Variants in CCDC102B observed in about 807,000 individuals in gnomAD.
CCDC102B encodes coiled-coil domain containing 102B.
In CCDC102B, 75 loss-of-function variants were observed where a neutral mutation model predicts 57.4. That is an observed-to-expected ratio of 1.31 (90% CI 1.08 to 1.58). The LOEUF is 1.58. CCDC102B is among the 40% of genes most tolerant of loss of function. CCDC102B has a pLI of 0.00. For synonymous variants in CCDC102B, 206 were observed against 201.9 expected, an observed-to-expected ratio of 1.02 and a Z score of -0.17; for missense variants, 636 against 582.6, an observed-to-expected ratio of 1.09 and a Z score of -0.94.
intron 6 of CCDC102B, among the ~76,000 whole-genome samples, chr18:68,986,772 A>G (rs1449704083): frequency 1.3e-5 from 2 of 152,188 alleles, no homozygotes; most frequent in Non-Finnish European, 2.9e-5. Flanking sequence ...TGGCATTTCT[A>G]TACACATTCA....
At chr18:68,870,528 T>G (rs1305671591) in intron 4 of CCDC102B, among the ~76,000 whole-genome samples, 1 of 152,180 alleles carries the variant, frequency 6.6e-6, no homozygotes, top group Non-Finnish European at 1.5e-5. Context: ...CCAAATACCC[T>G]AAAGGTATGA....
intron 5 of CCDC102B, among the ~76,000 whole-genome samples, chr18:68,893,837 A>C (rs1237919694): frequency 6.6e-6 from 1 of 152,146 alleles, no homozygotes; most frequent in Non-Finnish European, 1.5e-5. Flanking sequence ...TCTGATATTC[A>C]TACTTATTTT....
chr18:68,786,765 G>A (rs539772651), intron 2 of CCDC102B, among the ~76,000 whole-genome samples: 59,669 of 144,694 alleles, frequency 0.41, 12,489 homozygotes, highest in Non-Finnish European at 0.49. Flanking sequence ...CAATCATGTC[G>A]TCTGCAAACA....
At position 68,996,098 on chromosome 18, in the gene CCDC102B, T is replaced by A. The variant is rs1269929903; in HGVS notation, c.1264-14836T>A. ...ATGCAAAGTATTGTTCCTGCGTGTG[T>A]CTGTGAGGGTGTTGCCAAAGGAGAT... On this transcript the variant is annotated intron_variant, in intron 6 of 7. Coordinates refer to ENST00000360242, the MANE Select transcript of CCDC102B (RefSeq NM_024781.3). Among the ~76,000 whole-genome samples, 6 of 152,332 alleles carry A rather than the reference T, an allele frequency of 3.9e-5. No individual in the cohort carries two copies. In the East Asian group the frequency reaches 7.7e-4, roughly 20 times the overall value.
chr18:68,786,933 T>G (rs960938428), intron 2 of CCDC102B, among the ~76,000 whole-genome samples: 1 of 152,240 alleles, frequency 6.6e-6, no homozygotes, highest in Admixed American at 6.5e-5. Context: ...CTTCCAGTTT[T>G]TGTCCATTCA....
At chr18:68,973,004 C>T (rs1385700907) in intron 6 of CCDC102B, among the ~76,000 whole-genome samples, 1 of 152,056 alleles carries the variant, frequency 6.6e-6, no homozygotes, top group African/African-American at 2.4e-5. Context: ...ATATAGGCAA[C>T]AGATTTTTAA....
At chr18:68,999,498 C>G (rs905322763) in intron 6 of CCDC102B, among the ~76,000 whole-genome samples, 1 of 151,240 alleles carries the variant, frequency 6.6e-6, no homozygotes, top group South Asian at 2.1e-4. Context: ...GCCAGCTACT[C>G]GAGAGGCTGA....
At chr18:68,817,648 C>T (rs1454205197) in intron 1 of CCDC102B, among the ~76,000 whole-genome samples, 1 of 152,022 alleles carries the variant, frequency 6.6e-6, no homozygotes, top group Non-Finnish European at 1.5e-5. Flanking sequence ...TTTATAAACG[C>T]GAGAAAGATA....
chr18:69,054,126 C>T lies in CCDC102B; in HGVS notation c.1531C>T (p.Gln511Ter). The T allele has an allele frequency of 6.3e-7, 1 of 1,596,994 alleles. No homozygotes were observed. Among genetic ancestry groups the T allele is most frequent in the Non-Finnish European group, 8.5e-7 (1 of 1,175,006 alleles). ...CTTAGAGACTGAACTCAGGCACTTGCAAAACTGGTAATTTTTTCACAAAAT... is the reference window on the plus strand; with the variant it reads ...CTTAGAGACTGAACTCAGGCACTTGTAAAACTGGTAATTTTTTCACAAAAT... ...ENLETELRHL[Q>*]NW Residue 511 changes from glutamine to a stop codon, truncating the protein, a stop_gained, in exon 8 of 8, where the codon CAA becomes TAA. Coordinates refer to ENST00000360242, the MANE Select transcript of CCDC102B (RefSeq NM_024781.3). LOFTEE classifies it high-confidence loss of function.
chr18:68,998,125 C>T (rs1599820676), intron 6 of CCDC102B, among the ~76,000 whole-genome samples: 1 of 151,892 alleles, frequency 6.6e-6, no homozygotes, highest in Non-Finnish European at 1.5e-5. Flanking sequence ...CTCCTGACCT[C>T]CATGTCAGTG....
chr18:69,021,888 C>T (rs764688485), intron 7 of CCDC102B, among the ~76,000 whole-genome samples: 1 of 152,104 alleles, frequency 6.6e-6, no homozygotes, highest in East Asian at 1.9e-4. Flanking sequence ...TCATTCTCCC[C>T]GGTGTGGATG....
intron 1 of CCDC102B, among the ~76,000 whole-genome samples, chr18:68,809,444 G>T (rs773011656): frequency 6.6e-6 from 1 of 152,050 alleles, no homozygotes; most frequent in South Asian, 2.1e-4. Context: ...TCCAGTTTTC[G>T]ATGTACATAA....
intron 6 of CCDC102B, among the ~76,000 whole-genome samples, chr18:68,980,380 A>G (rs1781957412): frequency 6.8e-6 from 1 of 147,620 alleles, no homozygotes; most frequent in South Asian, 2.1e-4. Flanking sequence ...TCCTGTCACT[A>G]TTCTAGGTCT....
chr18:68,897,789 C>T (rs562303857), intron 6 of CCDC102B: 31 of 445,338 alleles, frequency 7.0e-5, no homozygotes, highest in South Asian at 5.9e-4. Context: ...TTAATTCAAG[C>T]GACTATACAA....
intron 4 of CCDC102B, among the ~76,000 whole-genome samples, chr18:68,858,104 T>A (rs2038563730): frequency 6.6e-6 from 1 of 152,176 alleles, no homozygotes; most frequent in Non-Finnish European, 1.5e-5. Flanking sequence ...ATCTAATCAC[T>A]TTTGTTACTT....
At chr18:68,790,792 C>CGTCG (rs1201076745) in intron 2 of CCDC102B, among the ~76,000 whole-genome samples, 2 of 151,808 alleles carry the variant, frequency 1.3e-5, no homozygotes, top group African/African-American at 4.8e-5. Flanking sequence ...CCGTCTTCTG[C>CGTCG]GTCGCTCACG....
chr18:69,022,577 C>A (rs2051874808), intron 7 of CCDC102B, among the ~76,000 whole-genome samples: 1 of 151,730 alleles, frequency 6.6e-6, no homozygotes, highest in Non-Finnish European at 1.5e-5. Flanking sequence ...CTCTTGGTGA[C>A]CAGAGTTGAA....
At chr18:68,727,302 G>C (rs2032641055) in intron 2 of CCDC102B, among the ~76,000 whole-genome samples, 1 of 152,136 alleles carries the variant, frequency 6.6e-6, no homozygotes, top group African/African-American at 2.4e-5. Flanking sequence ...TTTTGGAATA[G>C]AAAATTACCT....
At chr18:68,724,650 G>A (rs1297118721) in intron 2 of CCDC102B, among the ~76,000 whole-genome samples, 7 of 152,052 alleles carry the variant, frequency 4.6e-5, no homozygotes, top group South Asian at 2.1e-4. Context: ...TTCATTTTCC[G>A]TATCACTATC....
Sources: allele counts gnomAD v4.1 joint callset (sites outside exome capture counted in the v4.1 genomes callset), GRCh38; gene constraint gnomAD v4.1.1; transcripts MANE v1.5; gene names NCBI Gene and HGNC (gene_info 2026-07-23, HGNC 2026-07-21).